The following CSGALNACT1 variants were observed in gnomAD, a reference collection of about 807,000 sequenced individuals.
CSGALNACT1 encodes the protein beta4GalNAcT-1.
CSGALNACT1 carries 52 observed loss-of-function variants against 51.0 expected under a neutral mutation model. That is an observed-to-expected ratio of 1.02 (90% CI 0.82 to 1.29). The LOEUF (loss-of-function observed/expected upper bound fraction) is 1.29. Ranked by LOEUF, CSGALNACT1 falls within the 50% of genes most tolerant of loss-of-function variation. The probability of loss-of-function intolerance (pLI) is 0.00; values close to 1 mark genes in which losing one functional copy is unlikely to be tolerated. For missense variants in CSGALNACT1, 935 were observed against 679.2 expected (o/e 1.38, Z -4.19); for synonymous variants, 341 against 254.4 (o/e 1.34, Z -3.24).
At chr8:19,504,341 G>C (rs2076929225) in intron 4 of CSGALNACT1, among the ~76,000 whole-genome samples, 3 of 152,188 alleles carry the variant, frequency 2.0e-5, no homozygotes, top group Admixed American at 2.0e-4. Flanking sequence ...CTCCCAAAGT[G>C]CTGGGATTAC....
At chr8:19,587,167 C>T (rs370485245) in intron 3 of CSGALNACT1, among the ~76,000 whole-genome samples, 5 of 152,236 alleles carry the variant, frequency 3.3e-5, no homozygotes, top group African/African-American at 9.6e-5. Flanking sequence ...AGACTCATTA[C>T]GATCTCCTGG....
chr8:19,667,011 G>GGAAAGAAAGAAAGAAAGA (rs2059376959), intron 1 of CSGALNACT1, among the ~76,000 whole-genome samples: 1 of 32,908 alleles, frequency 3.0e-5, no homozygotes, highest in African/African-American at 2.1e-4. Flanking sequence ...AAGAAAGAAA[G>GGAAAGAAAGAAAGAAAGA]AAAGAAAGGA....
chr8:19,419,111 G>T (rs1182191986), intron 7 of CSGALNACT1, among the ~76,000 whole-genome samples: 1 of 152,158 alleles, frequency 6.6e-6, no homozygotes, highest in Admixed American at 6.5e-5. Flanking sequence ...CTCCCAAAGT[G>T]CTGGGATTAC....
chr8:19,645,393 C>T (rs777045772), intron 1 of CSGALNACT1, among the ~76,000 whole-genome samples: 13 of 152,216 alleles, frequency 8.5e-5, no homozygotes, highest in Non-Finnish European at 1.6e-4. Flanking sequence ...ACCAAATTCC[C>T]TTTGTCAGAG....
At chr8:19,525,847 G>T (rs989641375) in intron 3 of CSGALNACT1, among the ~76,000 whole-genome samples, 3 of 151,978 alleles carry the variant, frequency 2.0e-5, no homozygotes, top group Non-Finnish European at 2.9e-5. Flanking sequence ...TGAGGCCAGG[G>T]GTGGCTCTAT....
At chr8:19,670,773 G>A (rs1224384365) in intron 1 of CSGALNACT1, among the ~76,000 whole-genome samples, 1 of 151,834 alleles carries the variant, frequency 6.6e-6, no homozygotes, top group Non-Finnish European at 1.5e-5. Flanking sequence ...GCATTTCTAT[G>A]GTTTCTGTCC....
At chr8:19,752,049 T>C (rs2065062300) in intron 1 of CSGALNACT1, among the ~76,000 whole-genome samples, 1 of 141,018 alleles carries the variant, frequency 7.1e-6, no homozygotes, top group Non-Finnish European at 1.5e-5. Flanking sequence ...TGTTATATAA[T>C]ATATAACAAT....
At chr8:19,455,425 A>G (rs2063903808) in intron 5 of CSGALNACT1, among the ~76,000 whole-genome samples, 1 of 152,226 alleles carries the variant, frequency 6.6e-6, no homozygotes, top group South Asian at 2.1e-4. Context: ...ATATTTATTA[A>G]GCAGCCCTTT....
At chr8:19,542,675 C>T (rs1462929430) in intron 3 of CSGALNACT1, among the ~76,000 whole-genome samples, 1 of 152,078 alleles carries the variant, frequency 6.6e-6, no homozygotes, top group Non-Finnish European at 1.5e-5. Context: ...AATAGGCGGC[C>T]ACTTCTGCCA....
intron 1 of CSGALNACT1, among the ~76,000 whole-genome samples, chr8:19,744,974 C>T (rs1429230358): frequency 6.6e-6 from 1 of 152,202 alleles, no homozygotes; most frequent in Non-Finnish European, 1.5e-5. Flanking sequence ...ACATCCACTG[C>T]CACGTAACGT....
intron 1 of CSGALNACT1, among the ~76,000 whole-genome samples, chr8:19,723,508 A>G (rs1165156336): frequency 6.6e-6 from 1 of 152,254 alleles, no homozygotes; most frequent in Non-Finnish European, 1.5e-5. Flanking sequence ...TTGTCAGGAT[A>G]TCAAAAGAAG....
chr8:19,674,628 G>A (rs115753816), intron 1 of CSGALNACT1, among the ~76,000 whole-genome samples: 2,537 of 152,264 alleles, frequency 0.017, 66 homozygotes, highest in African/African-American at 0.057. Flanking sequence ...GCAGTGATAG[G>A]TAAGCAGTGA....
intron 3 of CSGALNACT1, among the ~76,000 whole-genome samples, chr8:19,510,930 G>C (rs533407543): frequency 6.6e-5 from 10 of 152,316 alleles, no homozygotes; most frequent in South Asian, 2.1e-4. Flanking sequence ...TAGGACAGAA[G>C]TTGCTCTCAG....
At chr8:19,609,247 T>C (rs193026405) in intron 1 of CSGALNACT1, among the ~76,000 whole-genome samples, 2 of 150,670 alleles carry the variant, frequency 1.3e-5, no homozygotes, top group Admixed American at 6.6e-5. Flanking sequence ...AATAAATATA[T>C]AGTAATATTG....
chr8:19,500,670 T>C (rs1201660769), intron 4 of CSGALNACT1, among the ~76,000 whole-genome samples: 1 of 152,194 alleles, frequency 6.6e-6, no homozygotes, highest in Non-Finnish European at 1.5e-5. Context: ...GTGAGGTGTT[T>C]GTTGAAGAGT....
intron 3 of CSGALNACT1, among the ~76,000 whole-genome samples, chr8:19,553,104 C>T (rs2088629497): frequency 6.6e-6 from 1 of 152,056 alleles, no homozygotes; most frequent in Non-Finnish European, 1.5e-5. Context: ...TGAGCCTGGC[C>T]TCACACAAGA....
chr8:19,616,876 C>T (rs2053098845), intron 1 of CSGALNACT1, among the ~76,000 whole-genome samples: 1 of 152,054 alleles, frequency 6.6e-6, no homozygotes, highest in Non-Finnish European at 1.5e-5. Context: ...GGAATGGTTT[C>T]GTGGAAGACA....
intron 3 of CSGALNACT1, among the ~76,000 whole-genome samples, chr8:19,585,633 T>C (rs2046455863): frequency 6.6e-6 from 1 of 152,162 alleles, no homozygotes; most frequent in Admixed American, 6.5e-5. Context: ...TAAAAACCCA[T>C]TAATCTTACT....
intron 1 of CSGALNACT1, among the ~76,000 whole-genome samples, chr8:19,650,377 G>A (rs1564348706): frequency 6.6e-6 from 1 of 152,170 alleles, no homozygotes; most frequent in Non-Finnish European, 1.5e-5. Flanking sequence ...CTCAAATTTG[G>A]TCAACAATTC....
Sources: gnomAD v4.1 joint callset for allele counts (sites outside exome capture counted in the v4.1 genomes callset) on GRCh38, gnomAD v4.1.1 for gene constraint, MANE v1.5 for transcripts, NCBI Gene and HGNC (gene_info 2026-07-23, HGNC 2026-07-21) for gene names.